KCNQ1OT1: variants seen among roughly 807,000 people sequenced by gnomAD.
KCNQ1OT1 encodes the protein KCNQ1 opposite strand/antisense transcript 1.
exon 1 of KCNQ1OT1, chr11:2,633,207 A>G (rs1007990245): frequency 5.0e-6 from 2 of 398,420 alleles, no homozygotes; most frequent in Middle Eastern, 6.3e-4. Flanking sequence ...CAGTTGTTCT[A>G]TTTTGCACAT....
In KCNQ1OT1 at chr11:2,627,422, ACT is replaced by A. The variant is rs1849279119; in HGVS notation, n.72571_72572del. The A allele has an allele frequency of 5.0e-6, 2 of 398,128 alleles. No individual in the cohort carries two copies. Among genetic ancestry groups the A allele is most frequent in the Non-Finnish European group, 8.9e-6 (2 of 225,986 alleles). The allele number at this position is 398,128 out of a possible 1,614,324, so 24.7% of individuals were successfully genotyped here. On this transcript the variant is annotated non_coding_transcript_exon_variant, in exon 1 of 1. Coordinates refer to ENST00000597346, the Ensembl canonical transcript of KCNQ1OT1. The surrounding 1 kb of genome is among the most constrained non-coding windows in gnomAD (Gnocchi z 4.9). ...ATGTCAAGAACTTATTCATCTGATA[ACT>A]CTATGTTTGTACCCTTCAACATTTC...
chr11:2,630,428 A>C, exon 1 of KCNQ1OT1: 1 of 398,358 alleles, frequency 2.5e-6, no homozygotes, highest in East Asian at 3.6e-5. Flanking sequence ...AGCCTTGTAA[A>C]ATAAGTTGGG....
exon 1 of KCNQ1OT1, chr11:2,662,976 G>A: frequency 2.5e-6 from 1 of 398,738 alleles, no homozygotes; most frequent in Non-Finnish European, 4.4e-6. Context: ...TTTGCAGCCA[G>A]CCAGGTGCAA....
At chr11:2,610,803 GA>G (rs35801517) in exon 1 of KCNQ1OT1, 31 of 269,224 alleles carry the variant, frequency 1.2e-4, no homozygotes, top group African/African-American at 7.9e-4. Context: ...TGTTTCTGAC[GA>G]AAAGTCAGCT....
chr11:2,639,260 G>A (rs116374321), exon 1 of KCNQ1OT1: 9,646 of 152,262 alleles, frequency 0.063, 382 homozygotes, highest in African/African-American at 0.095. Flanking sequence ...CTGGCGAGTG[G>A]CTGCGTTCCT....
rs1308643493 is a variant in KCNQ1OT1, at chr11:2,622,692, C to T, written n.77303G>A. The T allele has an allele frequency of 1.5e-5, 6 of 398,380 alleles. No individual in the cohort carries two copies. In the East Asian group the frequency reaches 2.1e-4, roughly 14 times the overall value. 24.7% of individuals were successfully genotyped at this position (398,380 alleles called of 1,614,324 possible). ...CCATTATGATTCTCTATTCGATTGT[C>T]TGTATGTGTGTATGTGTATTTTAAA... On this transcript the variant is annotated non_coding_transcript_exon_variant, in exon 1 of 1. Transcript: ENST00000597346.
exon 1 of KCNQ1OT1, chr11:2,697,645 C>T (rs1160707765): frequency 7.5e-6 from 3 of 398,414 alleles, no homozygotes; most frequent in Non-Finnish European, 8.8e-6. Context: ...GGTTTTTCTC[C>T]TGTAGCCTCT....
exon 1 of KCNQ1OT1, chr11:2,648,842 C>T (rs1849708023): frequency 2.5e-6 from 1 of 398,318 alleles, no homozygotes; most frequent in African/African-American, 2.1e-5. Flanking sequence ...TGGGGTCTAT[C>T]TCTTTAGCAC....
chr11:2,691,658 G>A lies in KCNQ1OT1; in HGVS notation n.8337C>T, dbSNP rs1170433305. ...TCCTCTTTACCGCCACAGTTCCAAGGGTGAAACAGAGAACCAGGTGGGGAA... is the reference window on the plus strand; with the variant it reads ...TCCTCTTTACCGCCACAGTTCCAAGAGTGAAACAGAGAACCAGGTGGGGAA... On this transcript the variant is annotated non_coding_transcript_exon_variant, in exon 1 of 1. Transcript: ENST00000597346. The surrounding 1 kb of genome is among the most constrained non-coding windows in gnomAD (Gnocchi z 6.4). The A allele has an allele frequency of 4.0e-5, 16 of 398,424 alleles. No homozygotes were observed. The highest frequency in any genetic ancestry group is 6.2e-5 in the African/African-American group (3 of 48,572). The allele number at this position is 398,424 out of a possible 1,614,324, so 24.7% of individuals were successfully genotyped here.
Position 2,683,867 on chromosome 11 carries a change from A to C in KCNQ1OT1, n.16128T>G. ...TCCCTGGCCCCACACTCACTGCTAC[A>C]TCTCTCTTCCAAATCATAAATGCAA... On this transcript the variant is annotated non_coding_transcript_exon_variant, in exon 1 of 1. Transcript: ENST00000597346. The surrounding 1 kb of genome is among the most constrained non-coding windows in gnomAD (Gnocchi z 4.7). The C allele has an allele frequency of 2.5e-6, 1 of 398,126 alleles. No individual in the cohort carries two copies. Among genetic ancestry groups the C allele is most frequent in the Non-Finnish European group, 4.4e-6 (1 of 226,034 alleles). 24.7% of individuals were successfully genotyped at this position (398,126 alleles called of 1,614,324 possible). A position where few individuals can be genotyped will look rare whatever the true frequency, so the allele number is the denominator to read the frequency against.
At chr11:2,618,948 A>T (rs1353894729) in exon 1 of KCNQ1OT1, 7 of 397,994 alleles carry the variant, frequency 1.8e-5, no homozygotes, top group Non-Finnish European at 2.7e-5. Flanking sequence ...CATAAATGGG[A>T]TTGTTTTCTT....
At chr11:2,660,807 A>G (rs2133854402) in exon 1 of KCNQ1OT1, 1 of 398,648 alleles carries the variant, frequency 2.5e-6, no homozygotes, top group South Asian at 1.3e-4. Flanking sequence ...AGCAACATTT[A>G]TTAAAATTAC....
exon 1 of KCNQ1OT1, chr11:2,629,765 G>A (rs1245816210): frequency 2.5e-6 from 1 of 398,336 alleles, no homozygotes; most frequent in Non-Finnish European, 4.4e-6. Context: ...ACTTCTGAAT[G>A]CTGATTTTGT....
chr11:2,690,312 A>C lies in KCNQ1OT1; in HGVS notation n.9683T>G. On this transcript the variant is annotated non_coding_transcript_exon_variant, in exon 1 of 1. Coordinates refer to ENST00000597346, the Ensembl canonical transcript of KCNQ1OT1. This position sits in a 1 kb window ranked among gnomAD's most constrained non-coding sequence, Gnocchi z 5.1. Reference sequence around the variant, plus strand: ...TCTTCCTCCCTGTAGGATTGTCACAAGGATTAAATGATGTCAAGTCTGAGG... The same window carrying C: ...TCTTCCTCCCTGTAGGATTGTCACACGGATTAAATGATGTCAAGTCTGAGG... 1 of 398,706 alleles carries C rather than the reference A, an allele frequency of 2.5e-6. No homozygotes were observed. The highest frequency in any genetic ancestry group is 4.4e-6 in the Non-Finnish European group (1 of 226,096). 24.7% of individuals were successfully genotyped at this position (398,706 alleles called of 1,614,324 possible).
In KCNQ1OT1 at chr11:2,654,778, C is replaced by A. The variant is rs1227836977; in HGVS notation, n.45217G>T. ...GATGAGAAGGCAGAGGAAGTGAGAC[C>A]AGAATTTCTTGGGAACAGAAAGCCT... On this transcript the variant is annotated non_coding_transcript_exon_variant, in exon 1 of 1. Transcript: ENST00000597346. The surrounding 1 kb of genome is among the most constrained non-coding windows in gnomAD (Gnocchi z 6.4). 1 of 398,554 alleles carries A rather than the reference C, an allele frequency of 2.5e-6. No homozygotes were observed. The highest frequency in any genetic ancestry group is 4.4e-6 in the Non-Finnish European group (1 of 226,162). The allele number at this position is 398,554 out of a possible 1,614,324, so 24.7% of individuals were successfully genotyped here.
Position 2,650,934 on chromosome 11 carries a change from T to A in KCNQ1OT1, n.49061A>T, listed in dbSNP as rs77809463. 3.8e-3 allele frequency: 1,503 copies of A among 398,552 alleles called. 9 individuals are homozygous for A. Among genetic ancestry groups the A allele is most frequent in the Non-Finnish European group, 5.0e-3 (1,140 of 226,058 alleles). The allele number at this position is 398,552 out of a possible 1,614,324, so 24.7% of individuals were successfully genotyped here. On this transcript the variant is annotated non_coding_transcript_exon_variant, in exon 1 of 1. Coordinates refer to ENST00000597346, the Ensembl canonical transcript of KCNQ1OT1. Reference sequence around the variant, plus strand: ...GCCTGGCTGAAAGTCTTTTTTAAATTATCCTTTTTTCTTAGTACCCCTTTC... The same window carrying A: ...GCCTGGCTGAAAGTCTTTTTTAAATAATCCTTTTTTCTTAGTACCCCTTTC...
At chr11:2,644,190 C>T in exon 1 of KCNQ1OT1, 2 of 398,488 alleles carry the variant, frequency 5.0e-6, no homozygotes, top group Middle Eastern at 6.3e-4. Flanking sequence ...GTTTTATAAT[C>T]TTTTGGTTTG....
rs1850067147 is a variant in KCNQ1OT1 at position 2,666,352 on chromosome 11, T to C, written n.33643A>G. The C allele has an allele frequency of 2.5e-6, 1 of 398,526 alleles. No homozygotes were observed. The highest frequency in any genetic ancestry group is 2.1e-5 in the African/African-American group (1 of 48,636). 24.7% of individuals were successfully genotyped at this position (398,526 alleles called of 1,614,324 possible). A position where few individuals can be genotyped will look rare whatever the true frequency, so the allele number is the denominator to read the frequency against. On this transcript the variant is annotated non_coding_transcript_exon_variant, in exon 1 of 1. Transcript: ENST00000597346. ...ACTGTGAGCACCTCCCTGGCAAGCA[T>C]GTGCTTGCCTGGCCTCTTGTGACAT... is the stretch of plus-strand genomic sequence containing the variant.
chr11:2,675,894 C>T (rs1438145541), exon 1 of KCNQ1OT1: 5 of 398,548 alleles, frequency 1.3e-5, no homozygotes, highest in Non-Finnish European at 2.2e-5. Flanking sequence ...TTTATGTATT[C>T]AAGGGTTGTG....
Sources: gnomAD v4.1 joint callset for allele counts on GRCh38, gnomAD v4.1.1 for gene constraint, Gnocchi (gnomAD v3.1) non-coding constraint, MANE v1.5 for transcripts, NCBI Gene and HGNC (gene_info 2026-07-23, HGNC 2026-07-21) for gene names.